Variants in KCNK9 observed in about 807,000 individuals in gnomAD.
KCNK9 encodes the protein potassium channel subfamily K member 9.
Under a neutral mutation model 10.8 loss-of-function variants are expected in KCNK9, and 1 was observed. That is an observed-to-expected ratio of 0.09 (90% CI 0.03 to 0.44). KCNK9 has a LOEUF of 0.44. KCNK9 is among the 20% of genes least tolerant of loss of function. The pLI is 0.97. For missense variants in KCNK9, 303 were observed against 515.0 expected (o/e 0.59, Z 3.98); for synonymous variants, 231 against 222.7 (o/e 1.04, Z -0.33).
intron 1 of KCNK9, among the ~76,000 whole-genome samples, chr8:139,639,875 T>C (rs1031102627): frequency 3.9e-5 from 6 of 152,200 alleles, no homozygotes; most frequent in African/African-American, 1.2e-4. Context: ...TTAACCTCTC[T>C]GGGCTCAGGG....
chr8:139,680,338 C>T (rs1289159749), intron 1 of KCNK9, among the ~76,000 whole-genome samples: 3 of 152,174 alleles, frequency 2.0e-5, no homozygotes, highest in South Asian at 2.1e-4. Flanking sequence ...CCTCCCCACC[C>T]GGATCTGCCC....
chr8:139,644,225 C>T (rs1563731846), intron 1 of KCNK9, among the ~76,000 whole-genome samples: 1 of 152,212 alleles, frequency 6.6e-6, no homozygotes, highest in Non-Finnish European at 1.5e-5. Flanking sequence ...GACATCCAAA[C>T]ACAGACAGGC....
At chr8:139,682,135 A>T (rs2129767220) in intron 1 of KCNK9, among the ~76,000 whole-genome samples, 1 of 152,348 alleles carries the variant, frequency 6.6e-6, no homozygotes, top group Middle Eastern at 3.4e-3. Context: ...TCTTCTCACA[A>T]ACACCTGCCA....
intron 1 of KCNK9, among the ~76,000 whole-genome samples, chr8:139,684,346 G>A (rs998734123): frequency 6.6e-6 from 1 of 152,130 alleles, no homozygotes; most frequent in African/African-American, 2.4e-5. Flanking sequence ...TTTCTCCTTG[G>A]AAGCCACAAG....
chr8:139,680,319 C>T (rs1816661276), intron 1 of KCNK9, among the ~76,000 whole-genome samples: 2 of 152,182 alleles, frequency 1.3e-5, no homozygotes, highest in African/African-American at 4.8e-5. Flanking sequence ...TGTGGAGGCT[C>T]ACTTTCCACC....
chr8:139,702,134 A>G lies in KCNK9; in HGVS notation c.283+576T>C, dbSNP rs1306715196. Among the ~76,000 whole-genome samples the G allele has an allele frequency of 6.6e-6, 1 of 152,062 alleles. No individual in the cohort carries two copies. The highest frequency in any genetic ancestry group is 1.5e-5 in the Non-Finnish European group (1 of 67,988). On this transcript the variant is annotated intron_variant, in intron 1 of 1. Transcript: ENST00000520439. This position sits in a 1 kb window ranked among gnomAD's most constrained non-coding sequence, Gnocchi z 7.5. Reference sequence around the variant, plus strand: ...GGGAAGTCCAAGCTCCAGAACTGGAACTCAGGGGAAAAAAGGAGCCGGGCG... The same window carrying G: ...GGGAAGTCCAAGCTCCAGAACTGGAGCTCAGGGGAAAAAAGGAGCCGGGCG...
intron 1 of KCNK9, among the ~76,000 whole-genome samples, chr8:139,627,848 G>T (rs1314828084): frequency 3.3e-5 from 5 of 152,256 alleles, no homozygotes. Flanking sequence ...GGGGCTGGAA[G>T]GTAACAGGGC....
chr8:139,687,783 A>G (rs1369356605), intron 1 of KCNK9, among the ~76,000 whole-genome samples: 1 of 150,698 alleles, frequency 6.6e-6, no homozygotes, highest in Non-Finnish European at 1.5e-5. Flanking sequence ...TTAACAACTC[A>G]AGGCCAATCT....
intron 1 of KCNK9, among the ~76,000 whole-genome samples, chr8:139,676,082 A>T (rs749513960): frequency 8.5e-5 from 13 of 152,236 alleles, no homozygotes; most frequent in Non-Finnish European, 1.3e-4. Flanking sequence ...GCAGGGCCAC[A>T]AGATGGAAGG....
rs567742457 is a variant in KCNK9 at position 139,607,095 on chromosome 8, T to A, written c.*1-5494A>T. Among the ~76,000 whole-genome samples the A allele has an allele frequency of 1.1e-4, 16 of 152,324 alleles. No individual in the cohort carries two copies. The East Asian group carries it at 3.1e-3, about 29-fold the overall frequency. ...GAGGAGCTATCAAATTATAGAGAAATCTTGTTAATTGTGGGTTCTGCTTCA... is the reference window on the plus strand; with the variant it reads ...GAGGAGCTATCAAATTATAGAGAAAACTTGTTAATTGTGGGTTCTGCTTCA... On this transcript the variant is annotated intron_variant, in intron 2 of 2. Coordinates refer to the KCNK9 transcript ENST00000650269.
At chr8:139,629,374 A>T (rs1815090502) in intron 1 of KCNK9, among the ~76,000 whole-genome samples, 1 of 152,232 alleles carries the variant, frequency 6.6e-6, no homozygotes, top group African/African-American at 2.4e-5. Flanking sequence ...CATTTTTAGC[A>T]ACTTCACATC....
chr8:139,655,943 T>C (rs1816009744), intron 1 of KCNK9, among the ~76,000 whole-genome samples: 2 of 152,162 alleles, frequency 1.3e-5, no homozygotes, highest in Non-Finnish European at 2.9e-5. Flanking sequence ...CTCCTCTGCA[T>C]AATGGGAAGA....
chr8:139,649,860 G>A lies in KCNK9; in HGVS notation c.284-30761C>T, dbSNP rs575313161. Among the ~76,000 whole-genome samples the A allele has an allele frequency of 5.9e-5, 9 of 152,342 alleles. No individual in the cohort carries two copies. In the East Asian group the frequency reaches 7.7e-4, roughly 13 times the overall value. On this transcript the variant is annotated intron_variant, in intron 1 of 1. Transcript: ENST00000520439. ...GGCAAAGAACAAAGTGGTACTGTCC[G>A]AAAGGCAATTAATGCTGGAGCAGAG...
intron 1 of KCNK9, among the ~76,000 whole-genome samples, chr8:139,697,485 G>C (rs1817091547): frequency 6.6e-6 from 1 of 151,828 alleles, no homozygotes; most frequent in Non-Finnish European, 1.5e-5. Context: ...ATAGCTGGGT[G>C]GGTGGGTGGA....
intron 1 of KCNK9, among the ~76,000 whole-genome samples, chr8:139,650,508 C>T (rs1815830000): frequency 6.6e-6 from 1 of 152,248 alleles, no homozygotes; most frequent in Middle Eastern, 3.4e-3. Flanking sequence ...TGTCTGGCTG[C>T]TGCTCCTCTC....
At chr8:139,600,927 TA>T (rs1386018879), downstream of KCNK9, 1 of 152,200 alleles carries the variant, frequency 6.6e-6, no homozygotes, top group Non-Finnish European at 1.5e-5. Context: ...ATGTTAATAA[TA>T]ATTCCTCAAA....
intron 2 of KCNK9, among the ~76,000 whole-genome samples, chr8:139,606,616 A>T (rs1814222533): frequency 6.6e-6 from 1 of 152,212 alleles, no homozygotes; most frequent in Non-Finnish European, 1.5e-5. Context: ...AGGTACAAGG[A>T]TACACAGTTG....
At chr8:139,692,657 G>T (rs1445744224) in intron 1 of KCNK9, among the ~76,000 whole-genome samples, 2 of 152,170 alleles carry the variant, frequency 1.3e-5, no homozygotes, top group Non-Finnish European at 2.9e-5. Flanking sequence ...CTCTCATCAT[G>T]ACCAGACTCA....
At chr8:139,626,642 G>T (rs1051329594) in intron 1 of KCNK9, among the ~76,000 whole-genome samples, 6 of 152,216 alleles carry the variant, frequency 3.9e-5, no homozygotes, top group Non-Finnish European at 8.8e-5. Flanking sequence ...TCATGCAGGT[G>T]AGGGGTACCC....
Sources: gnomAD v4.1 joint callset for allele counts (sites outside exome capture counted in the v4.1 genomes callset) on GRCh38, gnomAD v4.1.1 for gene constraint, Gnocchi (gnomAD v3.1) non-coding constraint, MANE v1.5 for transcripts, NCBI Gene and HGNC (gene_info 2026-07-23, HGNC 2026-07-21) for gene names.